Variants in AUTS2 observed in about 807,000 individuals in gnomAD.
AUTS2 encodes the protein autism susceptibility gene 2 protein.
Under a neutral mutation model 112.4 loss-of-function variants are expected in AUTS2, and 17 were observed. That is an observed-to-expected ratio of 0.15 (90% confidence interval 0.10 to 0.23). The LOEUF (loss-of-function observed/expected upper bound fraction) is 0.23. Ranked by LOEUF, AUTS2 falls within the 10% of genes least tolerant of loss-of-function variation. AUTS2 has a pLI of 1.00. For missense variants in AUTS2, 1,510 were observed against 1,701.6 expected, an observed-to-expected ratio of 0.89 and a Z score of 1.98; for synonymous variants, 751 against 702.7, an observed-to-expected ratio of 1.07 and a Z score of -1.09.
chr7:69,975,679 A>AT (rs1170467354), intron 2 of AUTS2, among the ~76,000 whole-genome samples: 1 of 149,210 alleles, frequency 6.7e-6, no homozygotes, highest in African/African-American at 2.5e-5. Flanking sequence ...AATTTTTTTA[A>AT]TTGTTTTTTT....
chr7:70,225,927 G>A (rs1055907309), intron 4 of AUTS2, among the ~76,000 whole-genome samples: 2 of 152,088 alleles, frequency 1.3e-5, no homozygotes, highest in African/African-American at 4.8e-5. Context: ...CTTACAGTTG[G>A]TAAACAGTAT....
At chr7:70,099,119 C>T (rs1584719693) in intron 2 of AUTS2, among the ~76,000 whole-genome samples, 1 of 152,244 alleles carries the variant, frequency 6.6e-6, no homozygotes, top group Admixed American at 6.5e-5. Flanking sequence ...TGGACAAAGG[C>T]CAGGTCTTAG....
chr7:69,644,398 A>G (rs1343028512), intron 1 of AUTS2, among the ~76,000 whole-genome samples: 1 of 151,936 alleles, frequency 6.6e-6, no homozygotes, highest in Non-Finnish European at 1.5e-5. Flanking sequence ...TTGGACTACC[A>G]AACAGGAACA....
intron 2 of AUTS2, among the ~76,000 whole-genome samples, chr7:70,028,630 CA>C (rs2129556184): frequency 6.6e-6 from 1 of 152,284 alleles, no homozygotes; most frequent in African/African-American, 2.4e-5. Context: ...CACCTGAGCC[CA>C]AAACCTCTGT....
At chr7:70,450,857 G>A (rs962118106) in intron 5 of AUTS2, among the ~76,000 whole-genome samples, 12 of 152,140 alleles carry the variant, frequency 7.9e-5, no homozygotes, top group Non-Finnish European at 1.5e-5. Flanking sequence ...CACTGGGAAG[G>A]GGGGTCAAGG....
intron 4 of AUTS2, among the ~76,000 whole-genome samples, chr7:70,186,582 T>C (rs1037508814): frequency 1.8e-4 from 27 of 152,200 alleles, no homozygotes; most frequent in Non-Finnish European, 3.2e-4. Context: ...TTTAATTTAA[T>C]TTTTTGAGAT....
At chr7:70,407,850 C>T (rs1794603968) in intron 4 of AUTS2, among the ~76,000 whole-genome samples, 1 of 151,942 alleles carries the variant, frequency 6.6e-6, no homozygotes, top group Non-Finnish European at 1.5e-5. Context: ...GTCAGGAGAT[C>T]GAGACCATCC....
intron 5 of AUTS2, among the ~76,000 whole-genome samples, chr7:70,471,942 G>C (rs1054413708): frequency 6.6e-6 from 1 of 152,044 alleles, no homozygotes; most frequent in African/African-American, 2.4e-5. Context: ...GAGTGGAGAG[G>C]GGGAGAGCCA....
chr7:70,150,338 G>A lies in AUTS2; in HGVS notation c.660+15767G>A, dbSNP rs568346380. Among the ~76,000 whole-genome samples, 326 of 152,216 alleles carry A rather than the reference G, an allele frequency of 2.1e-3. 1 individual carries two copies. Among genetic ancestry groups the A allele is most frequent in the Middle Eastern group, 3.4e-3 (1 of 294 alleles). On this transcript the variant is annotated intron_variant, in intron 4 of 18. Coordinates refer to ENST00000342771, the MANE Select transcript of AUTS2 (RefSeq NM_015570.4). Reference sequence around the variant, plus strand: ...TATTGTGCACACAATGAAAGGTAAAGGTACTTTTGAATTGTAGACCCTCAG... The same window carrying A: ...TATTGTGCACACAATGAAAGGTAAAAGTACTTTTGAATTGTAGACCCTCAG...
At chr7:70,746,419 T>A (rs1311392859) in intron 6 of AUTS2, among the ~76,000 whole-genome samples, 1 of 152,210 alleles carries the variant, frequency 6.6e-6, no homozygotes, top group East Asian at 1.9e-4. Flanking sequence ...GTGCTGGGAT[T>A]ACAGGAGTGA....
intron 6 of AUTS2, among the ~76,000 whole-genome samples, chr7:70,752,278 G>C (rs113918727): frequency 6.6e-6 from 1 of 152,052 alleles, no homozygotes; most frequent in African/African-American, 2.4e-5. Flanking sequence ...CAAAAAGTGG[G>C]GCCGTGTCTT....
intron 1 of AUTS2, among the ~76,000 whole-genome samples, chr7:69,720,599 T>C (rs1394193743): frequency 6.6e-6 from 1 of 152,190 alleles, no homozygotes; most frequent in African/African-American, 2.4e-5. Context: ...AGTCCACATA[T>C]TAGATTTGTT....
chr7:70,437,587 T>G (rs1204967054), intron 5 of AUTS2: 2 of 152,232 alleles, frequency 1.3e-5, no homozygotes, highest in African/African-American at 4.8e-5. Flanking sequence ...ACGCTTGTGA[T>G]CCCAGCACTT....
intron 5 of AUTS2, among the ~76,000 whole-genome samples, chr7:70,479,660 A>T (rs1797714158): frequency 6.6e-6 from 1 of 151,974 alleles, no homozygotes; most frequent in South Asian, 2.1e-4. Context: ...GATGCCAAAG[A>T]CTAGAGATTT....
At chr7:70,187,575 C>T (rs1478078798) in intron 4 of AUTS2, among the ~76,000 whole-genome samples, 13 of 152,152 alleles carry the variant, frequency 8.5e-5, no homozygotes, top group East Asian at 3.9e-4. Flanking sequence ...GCAGTAATTC[C>T]GCCTCAGTTT....
At chr7:70,062,149 CT>C (rs1388572769) in intron 2 of AUTS2, among the ~76,000 whole-genome samples, 1 of 151,736 alleles carries the variant, frequency 6.6e-6, no homozygotes, top group East Asian at 1.9e-4. Flanking sequence ...AACATTTTTA[CT>C]TTTCATTTGA....
intron 6 of AUTS2, among the ~76,000 whole-genome samples, chr7:70,714,646 G>A (rs1379037159): frequency 2.0e-5 from 3 of 152,176 alleles, no homozygotes; most frequent in Non-Finnish European, 4.4e-5. Flanking sequence ...TCAAGTCATT[G>A]ACTTGTTGCA....
intron 4 of AUTS2, among the ~76,000 whole-genome samples, chr7:70,333,352 G>C (rs1790844433): frequency 6.6e-6 from 1 of 152,212 alleles, no homozygotes; most frequent in Admixed American, 6.5e-5. Flanking sequence ...CTTTTACACT[G>C]TTGGTGGGAG....
At chr7:69,895,973 C>T (rs1774971258) in intron 1 of AUTS2, among the ~76,000 whole-genome samples, 2 of 152,144 alleles carry the variant, frequency 1.3e-5, no homozygotes, top group Non-Finnish European at 2.9e-5. Context: ...GAGCTTTATA[C>T]CCTGTGGGGA....
Sources: allele counts gnomAD v4.1 joint callset (sites outside exome capture counted in the v4.1 genomes callset), GRCh38; gene constraint gnomAD v4.1.1; transcripts MANE v1.5; gene names NCBI Gene and HGNC (gene_info 2026-07-23, HGNC 2026-07-21).